SCLT1: variants seen among roughly 807,000 people sequenced by gnomAD.
The protein encoded by SCLT1 is sodium channel-associated protein 1.
A neutral mutation model predicts 112.8 loss-of-function variants in SCLT1; 78 were observed. That is an observed-to-expected ratio of 0.69 (90% CI 0.58 to 0.83). The LOEUF (loss-of-function observed/expected upper bound fraction) is 0.83, where lower values mean the gene tolerates loss of function less well. SCLT1 is among the 40% of genes least tolerant of loss of function. The pLI, the probability that SCLT1 is intolerant of heterozygous loss-of-function variation, is 0.00. For synonymous variants in SCLT1, 257 were observed against 254.7 expected (o/e 1.01, Z -0.09); for missense variants, 747 against 770.4 (o/e 0.97, Z 0.36).
At chr4:128,992,041 AAGATATTGGC>A (rs1742618822) in intron 9 of SCLT1, 116 bp downstream of exon 9, 6 of 616,252 alleles carry the variant, frequency 9.7e-6, no homozygotes, top group Non-Finnish European at 1.7e-5. Context: ...TATACACAAG[AAGATATTGGC>A]AGAAGCTTAA....
intron 2 of SCLT1, among the ~76,000 whole-genome samples, chr4:129,060,550 A>G (rs1054359372): frequency 1.3e-5 from 2 of 152,162 alleles, no homozygotes; most frequent in East Asian, 1.9e-4. Context: ...TTGTTTACAG[A>G]TAAGTGTAAT....
intron 5 of SCLT1, among the ~76,000 whole-genome samples, chr4:129,010,382 T>C (rs1208879127): frequency 6.6e-6 from 1 of 152,234 alleles, no homozygotes; most frequent in Non-Finnish European, 1.5e-5. Flanking sequence ...TGCTTAGGAT[T>C]ACCTTGGCTA....
chr4:128,941,049 T>G (rs1188029398), intron 17 of SCLT1, among the ~76,000 whole-genome samples: 1 of 152,098 alleles, frequency 6.6e-6, no homozygotes, highest in Non-Finnish European at 1.5e-5. Context: ...TCTCACATGA[T>G]TTTTTATTCG....
chr4:129,085,764 C>T (rs1752338784), intron 1 of SCLT1, among the ~76,000 whole-genome samples: 1 of 152,064 alleles, frequency 6.6e-6, no homozygotes, highest in Admixed American at 6.6e-5. Context: ...AATGCAGGAA[C>T]AGAAAACCAA....
At chr4:129,009,520 A>T (rs1015563039) in intron 5 of SCLT1, among the ~76,000 whole-genome samples, 29 of 131,328 alleles carry the variant, frequency 2.2e-4, no homozygotes, top group Admixed American at 1.1e-3. Flanking sequence ...TCTCAAAAAG[A>T]AAAAAAAAAA....
At chr4:129,000,853 C>T (rs182373028) in intron 6 of SCLT1, among the ~76,000 whole-genome samples, 4 of 151,858 alleles carry the variant, frequency 2.6e-5, no homozygotes, top group East Asian at 1.9e-4. Context: ...AGAAGCTGGA[C>T]GACCCTCTTG....
At chr4:128,966,589 G>T (rs1296648488) in intron 10 of SCLT1, among the ~76,000 whole-genome samples, 1 of 152,038 alleles carries the variant, frequency 6.6e-6, no homozygotes, top group Non-Finnish European at 1.5e-5. Context: ...TTTCATATTT[G>T]CCATTTCTGT....
chr4:128,992,741 C>T (rs1436747922), intron 8 of SCLT1, among the ~76,000 whole-genome samples: 4 of 151,836 alleles, frequency 2.6e-5, no homozygotes, highest in African/African-American at 9.7e-5. Context: ...CTCTTGATAC[C>T]ACTTCCCCAC....
At chr4:129,062,559 A>G (rs1490105978) in intron 2 of SCLT1, among the ~76,000 whole-genome samples, 1 of 152,134 alleles carries the variant, frequency 6.6e-6, no homozygotes, top group African/African-American at 2.4e-5. Context: ...ACTCTTTAGC[A>G]TCTTTTGTAA....
chr4:128,891,007 A>G (rs1733268523), intron 19 of SCLT1, 52 bp downstream of exon 19: 1 of 1,267,062 alleles, frequency 7.9e-7, no homozygotes. Flanking sequence ...ATTCTATAAC[A>G]TGTGTATCAT....
chr4:128,885,864 T>C (rs1055774215), intron 20 of SCLT1, among the ~76,000 whole-genome samples: 2 of 152,212 alleles, frequency 1.3e-5, no homozygotes, highest in Admixed American at 6.5e-5. Flanking sequence ...GTATTTGTCT[T>C]ATAGGTGAGG....
chr4:128,959,088 T>C (rs1739457689), intron 12 of SCLT1, among the ~76,000 whole-genome samples: 2 of 152,166 alleles, frequency 1.3e-5, no homozygotes, highest in Admixed American at 1.3e-4. Context: ...AGGGAAGCAG[T>C]ATATGACAAG....
At chr4:128,976,716 A>G (rs917663934) in intron 9 of SCLT1, among the ~76,000 whole-genome samples, 2 of 152,218 alleles carry the variant, frequency 1.3e-5, no homozygotes, top group African/African-American at 4.8e-5. Context: ...GCACATTTAC[A>G]TTTAGCTGGG....
rs193281482 is a variant in SCLT1 at position 129,036,820 on chromosome 4, C to T, written c.290+2221G>A. 765 of 151,274 alleles carry T rather than the reference C, an allele frequency of 5.1e-3. 6 individuals carry two copies. The highest frequency in any genetic ancestry group is 0.017 in the African/African-American group (719 of 41,366). The allele number at this position is 151,274 out of a possible 1,614,324, so 9.4% of individuals were successfully genotyped here. On this transcript the variant is annotated intron_variant, in intron 5 of 20. Coordinates refer to ENST00000281142, the MANE Select transcript of SCLT1 (RefSeq NM_144643.4). ...ACACTAAAATAAAAATAAATATAAT[C>T]AAAATAAAATAAAATTACTACATAA...
At chr4:128,897,993 C>T (rs1409613567) in intron 18 of SCLT1, among the ~76,000 whole-genome samples, 4 of 152,118 alleles carry the variant, frequency 2.6e-5, no homozygotes, top group African/African-American at 9.7e-5. Flanking sequence ...TATATATGCA[C>T]CCAATACAGG....
At chr4:128,991,129 T>C (rs944705000) in intron 9 of SCLT1, among the ~76,000 whole-genome samples, 3 of 151,970 alleles carry the variant, frequency 2.0e-5, no homozygotes, top group Admixed American at 6.6e-5. Context: ...AAAGCAATCC[T>C]GAGCAAAGAG....
At chr4:128,893,325 T>C (rs1002686567) in intron 18 of SCLT1, among the ~76,000 whole-genome samples, 1 of 152,208 alleles carries the variant, frequency 6.6e-6, no homozygotes, top group African/African-American at 2.4e-5. Flanking sequence ...TGTAAATATT[T>C]ATCTCTTTAT....
rs184484701 is a variant in SCLT1 at position 129,028,705 on chromosome 4, C to A, written c.290+10336G>T. Among the ~76,000 whole-genome samples the A allele has an allele frequency of 9.5e-3, 1,448 of 152,180 alleles. 20 individuals are homozygous for A. Among genetic ancestry groups the A allele is most frequent in the African/African-American group, 0.032 (1,313 of 41,520 alleles). ...ATCTAATTAAACTAAAGAGCTTCTG[C>A]ACAGCAAAAGAAACTACCATCAGAG... On this transcript the variant is annotated intron_variant, in intron 5 of 20. Coordinates refer to ENST00000281142, the MANE Select transcript of SCLT1 (RefSeq NM_144643.4).
chr4:128,934,174 A>C (rs571650685), intron 18 of SCLT1, among the ~76,000 whole-genome samples: 64 of 152,050 alleles, frequency 4.2e-4, no homozygotes, highest in Non-Finnish European at 9.0e-4. Context: ...TCTAGCCTTC[A>C]TTCTGTCCCG....
Sources: gnomAD v4.1 joint callset for allele counts (sites outside exome capture counted in the v4.1 genomes callset) on GRCh38, gnomAD v4.1.1 for gene constraint, MANE v1.5 for transcripts, NCBI Gene and HGNC (gene_info 2026-07-23, HGNC 2026-07-21) for gene names.